CLSTN2: variants seen among roughly 807,000 people sequenced by gnomAD.
The protein encoded by CLSTN2 is calsyntenin-2.
CLSTN2 carries 48 observed loss-of-function variants against 101.2 expected under a neutral mutation model. That is an observed-to-expected ratio of 0.47 (90% confidence interval 0.38 to 0.60). The LOEUF (loss-of-function observed/expected upper bound fraction) is 0.60. Ranked by LOEUF, CLSTN2 falls within the 20% of genes least tolerant of loss-of-function variation. CLSTN2 has a pLI of 0.00. For missense variants in CLSTN2, 1,160 were observed against 1,238.2 expected, an observed-to-expected ratio of 0.94 and a Z score of 0.95; for synonymous variants, 481 against 463.6, an observed-to-expected ratio of 1.04 and a Z score of -0.48.
At chr3:140,394,211 A>T (rs1383503514) in intron 2 of CLSTN2, among the ~76,000 whole-genome samples, 1 of 75,220 alleles carries the variant, frequency 1.3e-5, no homozygotes, top group Non-Finnish European at 4.0e-5. Flanking sequence ...TGATTGTCGT[A>T]TGATGACCAT....
chr3:139,985,005 C>A (rs1301453188), intron 1 of CLSTN2, among the ~76,000 whole-genome samples: 1 of 152,160 alleles, frequency 6.6e-6, no homozygotes, highest in Non-Finnish European at 1.5e-5. Context: ...TCAGCTTCAT[C>A]TCCAAAATGT....
At chr3:140,404,876 C>G (rs59949679) in intron 4 of CLSTN2, 110 bp downstream of exon 4, 6 of 918,860 alleles carry the variant, frequency 6.5e-6, no homozygotes, top group African/African-American at 4.9e-5. Flanking sequence ...GCCTTTCTTG[C>G]CATGTTTGGT....
intron 1 of CLSTN2, among the ~76,000 whole-genome samples, chr3:140,118,918 CA>C (rs1268103710): frequency 3.9e-5 from 6 of 152,108 alleles, no homozygotes; most frequent in Non-Finnish European, 7.4e-5. Flanking sequence ...TCCCAGGACA[CA>C]GTAGGAGTAT....
At chr3:140,181,526 A>G (rs944943475) in intron 2 of CLSTN2, among the ~76,000 whole-genome samples, 2 of 152,262 alleles carry the variant, frequency 1.3e-5, no homozygotes, top group South Asian at 4.1e-4. Context: ...GGGTAGTGTA[A>G]TGGTGTGGGA....
intron 2 of CLSTN2, among the ~76,000 whole-genome samples, chr3:140,218,472 T>C (rs752814028): frequency 3.3e-5 from 5 of 152,162 alleles, no homozygotes; most frequent in African/African-American, 7.2e-5. Context: ...GAAAGTGAGA[T>C]AGCAGGTTGT....
At chr3:140,230,628 G>T (rs2086362477) in intron 2 of CLSTN2, among the ~76,000 whole-genome samples, 1 of 152,142 alleles carries the variant, frequency 6.6e-6, no homozygotes, top group African/African-American at 2.4e-5. Flanking sequence ...CCATGAAACA[G>T]AAAGCTAGCT....
intron 1 of CLSTN2, among the ~76,000 whole-genome samples, chr3:140,003,073 A>G (rs1237041535): frequency 3.3e-5 from 5 of 152,148 alleles, no homozygotes. Context: ...TATAAATTTT[A>G]GCATTTCTTT....
At chr3:140,509,881 G>A (rs192602385) in intron 8 of CLSTN2, among the ~76,000 whole-genome samples, 11 of 152,336 alleles carry the variant, frequency 7.2e-5, no homozygotes, top group African/African-American at 2.4e-4. Flanking sequence ...AATTGAAGTG[G>A]ACTTTTTAAT....
chr3:139,972,341 A>T (rs1935726635), intron 1 of CLSTN2, among the ~76,000 whole-genome samples: 1 of 152,010 alleles, frequency 6.6e-6, no homozygotes, highest in Admixed American at 6.6e-5. Flanking sequence ...TCTTTCAGGC[A>T]TCCTAAAAGT....
rs191386622 is a variant in CLSTN2 at position 140,010,558 on chromosome 3, C to G, written c.109+75075C>G. ...TTTCCTGATAATTCCATCAAACATC[C>G]TAGGAAGGACTCTGAATGGCCTGAC... On this transcript the variant is annotated intron_variant, in intron 1 of 16. Transcript: ENST00000458420. Among the ~76,000 whole-genome samples the G allele has an allele frequency of 3.4e-4, 51 of 152,230 alleles. No individual in the cohort carries two copies. In the East Asian group the frequency reaches 7.5e-3, roughly 22 times the overall value.
intron 1 of CLSTN2, among the ~76,000 whole-genome samples, chr3:139,978,195 A>T (rs1219605808): frequency 6.6e-6 from 1 of 152,200 alleles, no homozygotes. Context: ...GAGTCTAACA[A>T]AACCAAGTAT....
intron 1 of CLSTN2, among the ~76,000 whole-genome samples, chr3:140,023,411 G>C (rs1053009415): frequency 6.6e-6 from 1 of 152,188 alleles, no homozygotes; most frequent in Non-Finnish European, 1.5e-5. Flanking sequence ...AGGGAGTCAG[G>C]GGGTAGAGTA....
At chr3:140,539,926 G>C (rs1416289100) in intron 9 of CLSTN2, among the ~76,000 whole-genome samples, 2 of 152,142 alleles carry the variant, frequency 1.3e-5, no homozygotes, top group Non-Finnish European at 1.5e-5. Context: ...AACTCCCTTG[G>C]CATTTTTCAC....
intron 10 of CLSTN2, among the ~76,000 whole-genome samples, chr3:140,553,028 A>G (rs1166298928): frequency 2.0e-5 from 3 of 152,226 alleles, no homozygotes; most frequent in Non-Finnish European, 4.4e-5. Flanking sequence ...TAAGCACTCT[A>G]AGCTGGTGAG....
chr3:139,967,920 G>A (rs2107817544), intron 1 of CLSTN2, among the ~76,000 whole-genome samples: 2 of 152,258 alleles, frequency 1.3e-5, no homozygotes, highest in South Asian at 2.1e-4. Flanking sequence ...TTGGAATGAA[G>A]GGAACTACAT....
chr3:139,978,737 C>T (rs1935864872), intron 1 of CLSTN2, among the ~76,000 whole-genome samples: 1 of 149,470 alleles, frequency 6.7e-6, no homozygotes, highest in Non-Finnish European at 1.5e-5. Flanking sequence ...GAACTAAATC[C>T]TCATCTTCCA....
At chr3:140,507,560 G>A (rs1385945325) in intron 8 of CLSTN2, 1 of 152,166 alleles carries the variant, frequency 6.6e-6, no homozygotes, top group Non-Finnish European at 1.5e-5. Flanking sequence ...GTGCCACAGG[G>A]TGCTGCCTTT....
intron 2 of CLSTN2, among the ~76,000 whole-genome samples, chr3:140,337,113 C>T (rs759678983): frequency 3.4e-4 from 51 of 152,218 alleles, no homozygotes; most frequent in Non-Finnish European, 6.5e-4. Flanking sequence ...GGAGCTGTCA[C>T]TCAGCCTTTC....
intron 1 of CLSTN2, among the ~76,000 whole-genome samples, chr3:139,940,458 G>A (rs148420705): frequency 8.7e-4 from 132 of 152,210 alleles, no homozygotes; most frequent in African/African-American, 2.8e-3. Context: ...CCAGTTTGGG[G>A]CATGTAAAAT....
Sources: gnomAD v4.1 joint callset for allele counts (sites outside exome capture counted in the v4.1 genomes callset) on GRCh38, gnomAD v4.1.1 for gene constraint, MANE v1.5 for transcripts, NCBI Gene and HGNC (gene_info 2026-07-23, HGNC 2026-07-21) for gene names.